Variants in POMT2 observed in about 807,000 individuals in gnomAD.
The protein encoded by POMT2 is protein O-mannosyltransferase 2, also known as protein O-mannosyl-transferase 2.
A neutral mutation model predicts 100.0 loss-of-function variants in POMT2; 75 were observed. The observed-to-expected ratio is 0.75, with a 90% CI of 0.62 to 0.91. The LOEUF (loss-of-function observed/expected upper bound fraction) is 0.91, where lower values mean the gene tolerates loss of function less well. POMT2 is among the 40% of genes least tolerant of loss of function. POMT2 has a pLI of 0.00. For synonymous variants in POMT2, 378 were observed against 374.1 expected (o/e 1.01, Z -0.12); for missense variants, 940 against 955.1 (o/e 0.98, Z 0.21).
intron 6 of POMT2, chr14:77,300,819 C>CAAAA (rs748794664): frequency 1.4e-4 from 47 of 339,990 alleles, no homozygotes; most frequent in Middle Eastern, 9.4e-4. Flanking sequence ...AACTCTATCT[C>CAAAA]AAAAAAAAAA....
At chr14:77,306,104 C>A in intron 3 of POMT2, 2 of 567,988 alleles carry the variant, frequency 3.5e-6, no homozygotes, top group Non-Finnish European at 2.9e-6. Flanking sequence ...ACAATGCGTG[C>A]CTGCTTCTAT....
chr14:77,285,169 T>C, intron 13 of POMT2, 128 bp from the exon 14 acceptor site: 1 of 892,050 alleles, frequency 1.1e-6, no homozygotes. Context: ...TTTCTTCATG[T>C]TCCATGTTGG....
intron 2 of POMT2, chr14:77,306,769 T>C (rs1031241579): frequency 1.2e-5 from 4 of 342,254 alleles, no homozygotes; most frequent in Non-Finnish European, 2.3e-5. Context: ...TTCCTTCAGA[T>C]GGTATAAAAT....
At chr14:77,308,455 G>C (rs1054298564) in intron 2 of POMT2, among the ~76,000 whole-genome samples, 1 of 147,622 alleles carries the variant, frequency 6.8e-6, no homozygotes, top group Non-Finnish European at 1.5e-5. Context: ...TCCTGGGTTC[G>C]TGTGATTCTC....
chr14:77,284,820 G>A, intron 14 of POMT2, 130 bp downstream of exon 14: 1 of 775,834 alleles, frequency 1.3e-6, no homozygotes, highest in Non-Finnish European at 2.2e-6. Flanking sequence ...CATAGAAAGA[G>A]AGTGTTAACA....
intron 1 of POMT2, among the ~76,000 whole-genome samples, chr14:77,314,773 G>A (rs1891569038): frequency 6.6e-6 from 1 of 152,248 alleles, no homozygotes; most frequent in Non-Finnish European, 1.5e-5. Flanking sequence ...GGATATGGCT[G>A]CTCAATCAAC....
intron 20 of POMT2, 23 bp downstream of exon 20, chr14:77,278,371 A>G (rs2140160220): frequency 1.4e-6 from 2 of 1,447,558 alleles, no homozygotes; most frequent in Non-Finnish European, 9.5e-7. Context: ...CTGGGAGGGC[A>G]TGTGAGGTGC....
Position 77,288,939 on chromosome 14 carries a change from AC to A in POMT2, c.1184-109del, listed in dbSNP as rs1343601306. On this transcript the variant is annotated intron_variant, in intron 10 of 20. Coordinates refer to ENST00000261534, the MANE Select transcript of POMT2 (RefSeq NM_013382.7). Reference sequence around the variant, plus strand: ...GTACCATGTGGTATCTGCTAGAGGTACTAACCAGGTACTCTGAGACCAAAGA... The same window carrying A: ...GTACCATGTGGTATCTGCTAGAGGTATAACCAGGTACTCTGAGACCAAAGA... 5 of 934,528 alleles carry A rather than the reference AC, an allele frequency of 5.4e-6. No individual in the cohort carries two copies. The African/African-American group carries it at 6.5e-5, about 12-fold the overall frequency. 57.9% of individuals were successfully genotyped at this position (934,528 alleles called of 1,614,324 possible).
At chr14:77,309,849 A>C (rs1891375613) in intron 2 of POMT2, among the ~76,000 whole-genome samples, 1 of 151,986 alleles carries the variant, frequency 6.6e-6, no homozygotes, top group African/African-American at 2.4e-5. Flanking sequence ...TGCCCAGCTA[A>C]TTTTTGTATT....
chr14:77,304,844 G>A (rs768351541), intron 3 of POMT2, 44 bp from the exon 4 acceptor site: 5 of 1,552,928 alleles, frequency 3.2e-6, no homozygotes, highest in Non-Finnish European at 4.4e-6. Flanking sequence ...AGCTGAGCTA[G>A]GTCAGCGACC....
Position 77,312,015 on chromosome 14 carries a change from AAAGT to A in POMT2, c.263_266del (p.His88LeufsTer25). ...TGATATAGTAACTTCCCATTTTTCCAAAGTGAGTCTCATCCCAACTAAAGGAAAC... is the reference window on the plus strand; with the variant it reads ...TGATATAGTAACTTCCCATTTTTCCAGAGTCTCATCCCAACTAAAGGAAAC... On this transcript the variant is annotated frameshift_variant, in exon 2 of 21. Transcript: ENST00000261534. LOFTEE classifies it high-confidence loss of function. 1 of 1,614,142 alleles carries A rather than the reference AAAGT, an allele frequency of 6.2e-7. No individual in the cohort carries two copies.
intron 11 of POMT2, chr14:77,287,252 A>C (rs1890458883): frequency 5.2e-6 from 1 of 190,700 alleles, no homozygotes; most frequent in Non-Finnish European, 1.1e-5. Context: ...TCCCATCGCC[A>C]GATTTTTTTA....
At chr14:77,320,392 C>T (rs371221448) in intron 1 of POMT2, 42 bp downstream of exon 1, 19 of 1,543,582 alleles carry the variant, frequency 1.2e-5, no homozygotes, top group Admixed American at 2.0e-5. Context: ...GGCGTCCCGT[C>T]GCGGTTGCCA....
Position 77,313,984 on chromosome 14 carries a change from T to C in POMT2, c.249-1951A>G, listed in dbSNP as rs550385646. On this transcript the variant is annotated intron_variant, in intron 1 of 20. Coordinates refer to ENST00000261534, the MANE Select transcript of POMT2 (RefSeq NM_013382.7). Reference sequence around the variant, plus strand: ...TCAGCCCCCCAAAGTGCTGGGGTTATAGGTGTGAACCACCGCACCCAGCCT... The same window carrying C: ...TCAGCCCCCCAAAGTGCTGGGGTTACAGGTGTGAACCACCGCACCCAGCCT... Among the ~76,000 whole-genome samples the C allele has an allele frequency of 2.6e-5, 4 of 152,328 alleles. No individual in the cohort carries two copies. In the South Asian group the frequency reaches 6.2e-4, roughly 24 times the overall value.
At chr14:77,309,047 T>C (rs74065610) in intron 2 of POMT2, among the ~76,000 whole-genome samples, 27 of 152,306 alleles carry the variant, frequency 1.8e-4, no homozygotes, top group African/African-American at 6.5e-4. Context: ...AAAGAAGATA[T>C]ATCATGTTTC....
At chr14:77,308,419 G>A (rs1188065284) in intron 2 of POMT2, among the ~76,000 whole-genome samples, 9 of 145,358 alleles carry the variant, frequency 6.2e-5, no homozygotes, top group Admixed American at 6.9e-5. Context: ...GCAATGGTGC[G>A]ATCCCAGCTC....
In POMT2 at chr14:77,296,226, T is replaced by C. The variant is rs1489119718; in HGVS notation, c.1054A>G (p.Ile352Val). 3 of 1,609,432 alleles carry C rather than the reference T, an allele frequency of 1.9e-6. No individual in the cohort carries two copies. Among genetic ancestry groups the C allele is most frequent in the Non-Finnish European group, 8.5e-7 (1 of 1,178,376 alleles). ...TGCCTGTGGGAGTGCAGATAGCCGA[T>C]GGCCATCCGGAGGTTCTTCACAGTG... The part of the protein sequence containing the change: ...VITVKNLRMA[I>V]GYLHSHRHLY... Residue 352 changes from isoleucine (I) to valine (V), a missense_variant, in exon 9 of 21, where the codon ATC (isoleucine) becomes GTC (valine). Coordinates refer to ENST00000261534, the MANE Select transcript of POMT2 (RefSeq NM_013382.7).
Position 77,285,652 on chromosome 14 carries a change from A to G in POMT2, c.1333-20T>C. Reference sequence around the variant, plus strand: ...TCCATTCTGCCATAAAAGCCAAGAAAAAAATACAAAGAAAGTGAGGGGACT... The same window carrying G: ...TCCATTCTGCCATAAAAGCCAAGAAGAAAATACAAAGAAAGTGAGGGGACT... On this transcript the variant is annotated intron_variant, in intron 12 of 20. Transcript: ENST00000261534. 6.2e-7 allele frequency: 1 copy of G among 1,606,758 alleles called. No homozygotes were observed. The highest frequency in any genetic ancestry group is 1.1e-5 in the South Asian group (1 of 90,928).
At chr14:77,296,864 C>T (rs1890851034) in intron 8 of POMT2, among the ~76,000 whole-genome samples, 2 of 152,236 alleles carry the variant, frequency 1.3e-5, no homozygotes, top group South Asian at 4.1e-4. Context: ...GCTGGAATGA[C>T]CTGCTCCTGT....
Sources: gnomAD v4.1 joint callset for allele counts (sites outside exome capture counted in the v4.1 genomes callset) on GRCh38, gnomAD v4.1.1 for gene constraint, MANE v1.5 for transcripts, NCBI Gene and HGNC (gene_info 2026-07-23, HGNC 2026-07-21) for gene names.